ATF7IP2: variants seen among roughly 807,000 people sequenced by gnomAD.
ATF7IP2 encodes the protein activating transcription factor 7-interacting protein 2.
ATF7IP2 carries 42 observed loss-of-function variants against 64.2 expected under a neutral mutation model. The ratio of observed to expected loss-of-function variants is 0.65; its 90% CI spans 0.51 to 0.85. The LOEUF is 0.85. Among genes scored for constraint, ATF7IP2 ranks in the 40% least tolerant of loss-of-function variants. The pLI, the probability that ATF7IP2 is intolerant of heterozygous loss-of-function variation, is 0.00. For missense variants in ATF7IP2, 933 were observed against 784.2 expected (o/e 1.19, Z -2.27); for synonymous variants, 308 against 272.8 (o/e 1.13, Z -1.27).
At chr16:10,432,714 C>CA (rs984236365) in intron 5 of ATF7IP2, among the ~76,000 whole-genome samples, 7 of 151,826 alleles carry the variant, frequency 4.6e-5, no homozygotes, top group African/African-American at 1.5e-4. Context: ...ACTAAAAATA[C>CA]AAAAAAAATT....
chr16:10,444,209 A>G (rs2048726107), intron 8 of ATF7IP2, among the ~76,000 whole-genome samples: 1 of 152,246 alleles, frequency 6.6e-6, no homozygotes, highest in African/African-American at 2.4e-5. Flanking sequence ...AGCTAACGAA[A>G]GAAAGAGGGA....
At chr16:10,409,197 G>A (rs942651754) in intron 1 of ATF7IP2, among the ~76,000 whole-genome samples, 3 of 152,172 alleles carry the variant, frequency 2.0e-5, no homozygotes, top group Non-Finnish European at 2.9e-5. Context: ...GGAAGGGAAG[G>A]GGGATGTGAG....
chr16:10,433,791 C>A (rs963093427), intron 6 of ATF7IP2, 142 bp downstream of exon 6: 2 of 855,786 alleles, frequency 2.3e-6, no homozygotes, highest in South Asian at 3.1e-5. Flanking sequence ...AATTATCAGA[C>A]AGACTGGGGA....
At chr16:10,425,054 ATTTTTTTTTTTT>A (rs59143669) in intron 3 of ATF7IP2, among the ~76,000 whole-genome samples, 3 of 132,196 alleles carry the variant, frequency 2.3e-5, no homozygotes, top group Non-Finnish European at 4.8e-5. Context: ...TTTATATCAG[ATTTTTTTTTTTT>A]TTTTTTTTTG....
In ATF7IP2 at chr16:10,402,489, G is replaced by A. The variant is rs557314558; in HGVS notation, c.-241-12085G>A. On this transcript the variant is annotated intron_variant, in intron 1 of 13. Coordinates refer to ENST00000562102, the MANE Select transcript of ATF7IP2 (RefSeq NM_001393719.1). ...TTGGTTTGTTTCGTTTTGAGACAAG[G>A]TCTTACTCTGTCACCCAGGCTGGAG... Among the ~76,000 whole-genome samples, 3 of 152,200 alleles carry A rather than the reference G, an allele frequency of 2.0e-5. No individual in the cohort carries two copies. In the South Asian group the frequency reaches 6.2e-4, roughly 32 times the overall value.
chr16:10,415,786 A>G (rs1357365955), intron 2 of ATF7IP2, among the ~76,000 whole-genome samples: 7 of 152,246 alleles, frequency 4.6e-5, no homozygotes, highest in Non-Finnish European at 4.4e-5. Flanking sequence ...CAATTATACA[A>G]TGGTAATACC....
At chr16:10,398,784 G>A (rs576827573) in intron 1 of ATF7IP2, among the ~76,000 whole-genome samples, 149 of 152,166 alleles carry the variant, frequency 9.8e-4, no homozygotes, top group Middle Eastern at 3.4e-3. Flanking sequence ...AATAGATACT[G>A]GTCAAAGGAT....
At chr16:10,475,671 C>CA (rs1378962093) in intron 12 of ATF7IP2, among the ~76,000 whole-genome samples, 8 of 112,206 alleles carry the variant, frequency 7.1e-5, no homozygotes, top group Non-Finnish European at 6.6e-5. Flanking sequence ...CCAGCCTGGG[C>CA]AACAGAGCGA....
At chr16:10,414,414 T>G (rs576541097) in intron 1 of ATF7IP2, among the ~76,000 whole-genome samples, 160 bp from the exon 2 acceptor site, 1 of 152,150 alleles carries the variant, frequency 6.6e-6, no homozygotes, top group African/African-American at 2.4e-5. Flanking sequence ...GTCCATTATT[T>G]CCTGAAGTTT....
intron 8 of ATF7IP2, chr16:10,447,839 T>A (rs1231781270): frequency 6.6e-6 from 1 of 152,070 alleles, no homozygotes; most frequent in Non-Finnish European, 1.5e-5. Context: ...ACAAGGGGGG[T>A]GAAATCCTTT....
At chr16:10,458,706 A>G (rs1456024377) in intron 9 of ATF7IP2, among the ~76,000 whole-genome samples, 2 of 152,238 alleles carry the variant, frequency 1.3e-5, no homozygotes, top group East Asian at 3.9e-4. Flanking sequence ...AGCTCATTTT[A>G]TGAGACTAGC....
intron 12 of ATF7IP2, among the ~76,000 whole-genome samples, chr16:10,476,285 G>T (rs2050004924): frequency 6.6e-6 from 1 of 152,110 alleles, no homozygotes; most frequent in South Asian, 2.1e-4. Flanking sequence ...ACAGAATCTT[G>T]TTCATCTTTG....
intron 8 of ATF7IP2, among the ~76,000 whole-genome samples, chr16:10,450,511 G>T (rs1439864210): frequency 6.6e-6 from 1 of 152,148 alleles, no homozygotes; most frequent in Non-Finnish European, 1.5e-5. Context: ...TGCATTGGGT[G>T]CATATATATT....
chr16:10,390,146 T>C (rs1881891665), intron 1 of ATF7IP2, among the ~76,000 whole-genome samples: 2 of 152,304 alleles, frequency 1.3e-5, no homozygotes, highest in African/African-American at 4.8e-5. Context: ...GTTTATTATG[T>C]ATTAAGATAC....
In ATF7IP2 at chr16:10,431,137, G is replaced by A. The variant is rs1465360703; in HGVS notation, c.517G>A (p.Val173Ile). The change falls in exon 5 of 14, where the codon GTA (valine) becomes ATA (isoleucine). Residue 173 changes from valine (V) to isoleucine (I), a missense_variant. By Grantham distance (29) the Val-to-Ile change is conservative. Coordinates refer to ENST00000562102, the MANE Select transcript of ATF7IP2 (RefSeq NM_001393719.1). ...AAAGTCCAGTTGCTGTCCACCCAGTGTATTGAGTGGTGTTGTTCAGATGCC... is the reference window on the plus strand; with the variant it reads ...AAAGTCCAGTTGCTGTCCACCCAGTATATTGAGTGGTGTTGTTCAGATGCC... ...SLKSSCCPPS[V>I]LSGVVQMPES... 6.2e-6 allele frequency: 10 copies of A among 1,614,028 alleles called. No homozygotes were observed. Among genetic ancestry groups the A allele is most frequent in the South Asian group, 1.1e-5 (1 of 91,084 alleles).
chr16:10,420,757 T>C (rs1305630990), intron 3 of ATF7IP2, among the ~76,000 whole-genome samples: 1 of 152,236 alleles, frequency 6.6e-6, no homozygotes, highest in Non-Finnish European at 1.5e-5. Context: ...ATGAACCACC[T>C]ATGAAGAATC....
intron 3 of ATF7IP2, among the ~76,000 whole-genome samples, chr16:10,423,223 G>T (rs910991653): frequency 3.3e-5 from 5 of 152,142 alleles, no homozygotes; most frequent in African/African-American, 1.2e-4. Context: ...CAGCCTGGGT[G>T]ACAGAGTGAG....
At chr16:10,446,447 G>A (rs146749310) in intron 8 of ATF7IP2, 1 of 152,254 alleles carries the variant, frequency 6.6e-6, no homozygotes, top group African/African-American at 2.4e-5. Context: ...TTTTTGACTT[G>A]TTCCCTCCAG....
chr16:10,447,046 A>T (rs1171112165), intron 8 of ATF7IP2: 1 of 152,200 alleles, frequency 6.6e-6, no homozygotes, highest in East Asian at 1.9e-4. Context: ...GGATCAGTAG[A>T]AAACCCTGAC....
Sources: gnomAD v4.1 joint callset for allele counts (sites outside exome capture counted in the v4.1 genomes callset) on GRCh38, gnomAD v4.1.1 for gene constraint, MANE v1.5 for transcripts, NCBI Gene and HGNC (gene_info 2026-07-23, HGNC 2026-07-21) for gene names.